KIAA0319: variants seen among roughly 807,000 people sequenced by gnomAD.
KIAA0319 encodes dyslexia-associated protein KIAA0319.
Under a neutral mutation model 108.4 loss-of-function variants are expected in KIAA0319, and 83 were observed. The ratio of observed to expected loss-of-function variants is 0.77; its 90% CI spans 0.64 to 0.92. The LOEUF is 0.92. Ranked by LOEUF, KIAA0319 falls within the 40% of genes least tolerant of loss-of-function variation. KIAA0319 has a pLI of 0.00. For missense variants in KIAA0319, 1,195 were observed against 1,322.4 expected (o/e 0.90, Z 1.49); for synonymous variants, 484 against 510.4 (o/e 0.95, Z 0.70).
At position 24,564,311 on chromosome 6, in the gene KIAA0319, C is replaced by T. The variant is rs1200709432; in HGVS notation, c.2322G>A (p.Val774=). The T allele has an allele frequency of 1.2e-6, 2 of 1,614,174 alleles. No individual in the cohort carries two copies. Among genetic ancestry groups the T allele is most frequent in the Non-Finnish European group, 8.5e-7 (1 of 1,180,018 alleles). ...GDVIDGSDHS[V]ALQLTNLVEG... ...CCACCAGATTCGTAAGCTGCAGAGC[C>T]ACACTGTGGTCAGAGCCATCGATGA... Residue 774 remains valine, a synonymous_variant, in exon 15 of 21, where the codon GTG becomes GTA. Coordinates refer to ENST00000378214, the MANE Select transcript of KIAA0319 (RefSeq NM_014809.4).
chr6:24,637,322 A>AT (rs1358279534), intron 1 of KIAA0319, among the ~76,000 whole-genome samples: 1 of 152,248 alleles, frequency 6.6e-6, no homozygotes, highest in African/African-American at 2.4e-5. Context: ...AAATGCCTGG[A>AT]AAAGCTTCAC....
At chr6:24,576,288 C>T in intron 10 of KIAA0319, 80 bp downstream of exon 10, 4 of 1,096,220 alleles carry the variant, frequency 3.6e-6, no homozygotes, top group Non-Finnish European at 5.5e-6. Context: ...AATTTAACTG[C>T]CTACCCCAAC....
chr6:24,598,175 T>G, intron 2 of KIAA0319: 1 of 449,374 alleles, frequency 2.2e-6, no homozygotes, highest in East Asian at 5.0e-5. Context: ...GGCACCAGTA[T>G]GGGTCTGGGT....
At chr6:24,556,308 G>C (rs1278405293) in intron 18 of KIAA0319, among the ~76,000 whole-genome samples, 1 of 151,710 alleles carries the variant, frequency 6.6e-6, no homozygotes, top group Non-Finnish European at 1.5e-5. Context: ...ATCCTCCTGA[G>C]TAGCTGGGAC....
intron 1 of KIAA0319, among the ~76,000 whole-genome samples, chr6:24,634,223 A>T (rs1165651231): frequency 6.6e-6 from 1 of 152,240 alleles, no homozygotes; most frequent in Non-Finnish European, 1.5e-5. Flanking sequence ...AGCCTGGCAG[A>T]CTAACATATG....
chr6:24,644,843 T>G (rs1777411612), intron 1 of KIAA0319, among the ~76,000 whole-genome samples: 1 of 152,232 alleles, frequency 6.6e-6, no homozygotes, highest in African/African-American at 2.4e-5. Flanking sequence ...TACATTTCCC[T>G]TTTTCAAATT....
At position 24,547,183 on chromosome 6, in the gene KIAA0319, A is replaced by G; in HGVS notation, c.3201T>C (p.Tyr1067=). The change falls in exon 21 of 21, where the codon TAT becomes TAC. Residue 1067 remains tyrosine, a synonymous_variant. Coordinates refer to ENST00000378214, the MANE Select transcript of KIAA0319 (RefSeq NM_014809.4). The part of the protein sequence containing the change: ...GSIRNGASFS[Y]CSKDR ...TGCGCCATTATCTGTCCTTTGAGCA[A>G]TAACTGAAGGAAGCTCCATTTCTGA... 4 of 1,614,144 alleles carry G rather than the reference A, an allele frequency of 2.5e-6. No individual in the cohort carries two copies. The highest frequency in any genetic ancestry group is 3.4e-6 in the Non-Finnish European group (4 of 1,180,000).
At position 24,572,632 on chromosome 6, in the gene KIAA0319, C is replaced by T; in HGVS notation, c.1801G>A (p.Val601Met). Residue 601 changes from valine (V) to methionine (M), a missense_variant, in exon 11 of 21, where the codon GTG becomes ATG. Coordinates refer to ENST00000378214, the MANE Select transcript of KIAA0319 (RefSeq NM_014809.4). ...QEGDYTFQLKVTDSSRQQSTA... is the reference protein window; with the variant it reads ...QEGDYTFQLKMTDSSRQQSTA... ...GACTGTTGCCTTGAAGAATCTGTCA[C>T]CTTCAGCTGAAATGTATAATCTCCT... The T allele has an allele frequency of 1.9e-6, 3 of 1,614,000 alleles. No individual in the cohort carries two copies. The highest frequency in any genetic ancestry group is 1.3e-5 in the African/African-American group (1 of 74,996).
At chr6:24,609,273 CAA>C (rs886616830) in intron 1 of KIAA0319, among the ~76,000 whole-genome samples, 5 of 74,828 alleles carry the variant, frequency 6.7e-5, no homozygotes, top group Admixed American at 1.6e-4. Flanking sequence ...GTCTCAAAAA[CAA>C]AAAAAAAAAA....
At chr6:24,595,031 A>G (rs1769239971) in intron 3 of KIAA0319, among the ~76,000 whole-genome samples, 2 of 152,020 alleles carry the variant, frequency 1.3e-5, no homozygotes, top group Non-Finnish European at 2.9e-5. Context: ...AGTGACCCTC[A>G]TTCTTTTTTC....
chr6:24,605,632 T>G (rs1771287333), intron 1 of KIAA0319, among the ~76,000 whole-genome samples: 1 of 152,250 alleles, frequency 6.6e-6, no homozygotes, highest in African/African-American at 2.4e-5. Flanking sequence ...TTCAAAATGT[T>G]ATAAATAGTA....
intron 5 of KIAA0319, chr6:24,583,035 G>T: frequency 1.0e-6 from 1 of 980,422 alleles, no homozygotes; most frequent in Non-Finnish European, 1.2e-6. Flanking sequence ...ATGAGAAATA[G>T]TCAAACACCT....
chr6:24,596,655 A>G (rs1421684673), intron 2 of KIAA0319, 37 bp from the exon 3 acceptor site: 1 of 1,550,732 alleles, frequency 6.4e-7, no homozygotes, highest in East Asian at 2.3e-5. Flanking sequence ...GGAGAGAGGC[A>G]TATCACAGGG....
chr6:24,540,485 A>G (rs924204965), downstream of KIAA0319, among the ~76,000 whole-genome samples: 2 of 152,154 alleles, frequency 1.3e-5, no homozygotes, highest in Non-Finnish European at 2.9e-5. Context: ...TCCTGCTGCA[A>G]TAAAGTCTCA....
rs757441676 is a variant in KIAA0319 at position 24,547,331 on chromosome 6, C to T, written c.3053G>A (p.Arg1018Gln). The stretch of plus-strand genomic sequence containing the variant: ...CAGGCTGGAGTTGTGCTCTGTGCTT[C>T]GGTGCTTGATACCTAGAGAGAAGCA... Reference protein sequence around the residue: ...ELRPKYGIKHRSTEHNSSLMV... With the variant: ...ELRPKYGIKHQSTEHNSSLMV... Residue 1018 changes from arginine (R) to glutamine (Q), a missense_variant, in exon 21 of 21, where the codon CGA becomes CAA. Arg to Gln is a conservative substitution (Grantham distance 43). Transcript: ENST00000378214. 39 of 1,613,876 alleles carry T rather than the reference C, an allele frequency of 2.4e-5. No homozygotes were observed. The highest frequency in any genetic ancestry group is 1.1e-4 in the East Asian group (5 of 44,890).
chr6:24,569,935 G>A lies in KIAA0319; in HGVS notation c.1959C>T (p.His653=), dbSNP rs774393335. ...TLDGSSSSDD[H]GIVFYHWEHV... Reference sequence around the variant, plus strand: ...GCTCCCAGTGGTAGAAGACAATGCCGTGGTCATCGCTGCTGCTGCTCCCAT... The same window carrying A: ...GCTCCCAGTGGTAGAAGACAATGCCATGGTCATCGCTGCTGCTGCTCCCAT... The change falls in exon 12 of 21, where the codon CAC becomes CAT. Residue 653 remains histidine (H), a synonymous_variant. Transcript: ENST00000378214. 41 of 1,614,158 alleles carry A rather than the reference G, an allele frequency of 2.5e-5. No individual in the cohort carries two copies. The highest frequency in any genetic ancestry group is 3.0e-5 in the Non-Finnish European group (35 of 1,179,982).
At chr6:24,606,362 T>C (rs1442836348) in intron 1 of KIAA0319, among the ~76,000 whole-genome samples, 1 of 152,228 alleles carries the variant, frequency 6.6e-6, no homozygotes, top group Non-Finnish European at 1.5e-5. Context: ...AGCTGAATTC[T>C]TTCCCTTCTT....
At chr6:24,620,075 T>C (rs1773709766) in intron 1 of KIAA0319, among the ~76,000 whole-genome samples, 1 of 152,374 alleles carries the variant, frequency 6.6e-6, no homozygotes, top group Non-Finnish European at 1.5e-5. Flanking sequence ...TTATTTTCAA[T>C]ATATTTTGCC....
chr6:24,555,119 T>C (rs1156727618), intron 18 of KIAA0319, among the ~76,000 whole-genome samples: 2 of 152,156 alleles, frequency 1.3e-5, no homozygotes, highest in Non-Finnish European at 2.9e-5. Flanking sequence ...TCCTTCCACA[T>C]CCTTACAGAA....
Sources: gnomAD v4.1 joint callset for allele counts (sites outside exome capture counted in the v4.1 genomes callset) on GRCh38, gnomAD v4.1.1 for gene constraint, MANE v1.5 for transcripts, NCBI Gene and HGNC (gene_info 2026-07-23, HGNC 2026-07-21) for gene names.